Variants in UMODL1 observed in about 807,000 individuals in gnomAD.
The protein encoded by UMODL1 is uromodulin-like 1.
UMODL1 carries 128 observed loss-of-function variants against 136.3 expected under a neutral mutation model. The ratio of observed to expected loss-of-function variants is 0.94; its 90% confidence interval spans 0.81 to 1.09. UMODL1 has a LOEUF of 1.09. Ranked by LOEUF, UMODL1 falls within the 50% of genes least tolerant of loss-of-function variation. UMODL1 has a pLI of 0.00. For synonymous variants in UMODL1, 721 were observed against 720.0 expected (o/e 1.00, Z -0.02); for missense variants, 1,766 against 1,725.6 (o/e 1.02, Z -0.41).
At chr21:42,082,539 C>T (rs1048730476) in intron 2 of UMODL1, among the ~76,000 whole-genome samples, 5 of 152,202 alleles carry the variant, frequency 3.3e-5, no homozygotes, top group Non-Finnish European at 5.9e-5. Context: ...TGGCACCCAC[C>T]GTCAGGGTGG....
intron 2 of UMODL1, 94 bp downstream of exon 2, chr21:42,076,341 T>G (rs901298791): frequency 2.3e-5 from 36 of 1,560,852 alleles, no homozygotes; most frequent in Admixed American, 1.4e-4. Flanking sequence ...GCCCCGAACT[T>G]GCTAGATCTT....
Position 42,122,680 on chromosome 21 carries a change from T to TGC in UMODL1, c.2828-150_2828-149dup, listed in dbSNP as rs2066991670. 8 of 660,154 alleles carry TGC rather than the reference T, an allele frequency of 1.2e-5. No homozygotes were observed. Among genetic ancestry groups the TGC allele is most frequent in the Non-Finnish European group, 1.8e-5 (7 of 393,254 alleles). 40.9% of individuals were successfully genotyped at this position (660,154 alleles called of 1,614,324 possible). ...ATGTGTGCGTGTGTGTGTGTGTGTG[T>TGC]GCACGTGTGTAGTTGTGGCTGGAAC... is the stretch of plus-strand genomic sequence containing the variant. On this transcript the variant is annotated intron_variant, in intron 16 of 22. Transcript: ENST00000408910. This position sits in a 1 kb window ranked among gnomAD's most constrained non-coding sequence, Gnocchi z 4.3.
chr21:42,105,031 C>T (rs538499881), intron 9 of UMODL1, among the ~76,000 whole-genome samples: 71 of 152,216 alleles, frequency 4.7e-4, no homozygotes, highest in Non-Finnish European at 6.8e-4. Flanking sequence ...TCTTGGAGCT[C>T]AGCCACGTGC....
At chr21:42,101,450 C>T (rs2066631202) in intron 7 of UMODL1, among the ~76,000 whole-genome samples, 2 of 152,146 alleles carry the variant, frequency 1.3e-5, no homozygotes, top group African/African-American at 2.4e-5. Flanking sequence ...TCTGATGGCC[C>T]GTAGCTTGCC....
chr21:42,100,441 C>T (rs1158430875), intron 7 of UMODL1, among the ~76,000 whole-genome samples: 1 of 152,010 alleles, frequency 6.6e-6, no homozygotes, highest in Non-Finnish European at 1.5e-5. Context: ...GCTAAGTCCT[C>T]ATAGCAGCCA....
chr21:42,072,593 C>T (rs1045791816), intron 1 of UMODL1, among the ~76,000 whole-genome samples: 5 of 152,184 alleles, frequency 3.3e-5, no homozygotes, highest in South Asian at 2.1e-4. Context: ...GTGGTCGCCC[C>T]GAATTTTCCC....
chr21:42,101,815 C>T (rs1049211043), intron 7 of UMODL1: 7 of 448,506 alleles, frequency 1.6e-5, no homozygotes, highest in Non-Finnish European at 2.2e-5. Flanking sequence ...AGGGCCTCGT[C>T]GTGTGAGTAC....
chr21:42,081,630 AG>A (rs1352974263), intron 2 of UMODL1, among the ~76,000 whole-genome samples: 2 of 152,184 alleles, frequency 1.3e-5, no homozygotes, highest in African/African-American at 4.8e-5. Flanking sequence ...CTATTTAAAT[AG>A]GCTTTTAGTT....
chr21:42,124,173 C>T (rs1306030736), intron 17 of UMODL1, among the ~76,000 whole-genome samples: 2 of 152,202 alleles, frequency 1.3e-5, no homozygotes, highest in African/African-American at 4.8e-5. Flanking sequence ...CCCACTTGGC[C>T]ACATGGAGCA....
At chr21:42,091,550 G>A (rs1369687149) in intron 6 of UMODL1, among the ~76,000 whole-genome samples, 2 of 152,194 alleles carry the variant, frequency 1.3e-5, no homozygotes, top group African/African-American at 4.8e-5. Flanking sequence ...GGGTGTGGAA[G>A]GTGGTGGAGA....
In UMODL1 at chr21:42,122,932, C is replaced by T. The variant is rs1038842358; in HGVS notation, c.2929C>T (p.Gln977Ter). The change falls in exon 17 of 23, where the codon CAA becomes TAA. Residue 977 changes from glutamine to a stop codon, truncating the protein, a stop_gained. Transcript: ENST00000408910. LOFTEE classifies it high-confidence loss of function. The surrounding 1 kb of genome is among the most constrained non-coding windows in gnomAD (Gnocchi z 4.3). ...AFVQGTSPTPQGLPQRLNLTG... is the reference protein window; with the variant it reads ...AFVQGTSPTP ...TGTGCAAGGCACCAGCCCCACCCCC[C>T]AAGGCCTGCCCCAGCGGCTGAACCT... 2 of 1,613,974 alleles carry T rather than the reference C, an allele frequency of 1.2e-6. No homozygotes were observed. The highest frequency in any genetic ancestry group is 2.2e-5 in the East Asian group (1 of 44,882).
chr21:42,088,257 C>T (rs562619244), intron 4 of UMODL1, 37 bp from the exon 5 acceptor site: 12 of 1,594,670 alleles, frequency 7.5e-6, no homozygotes, highest in Middle Eastern at 1.9e-4. Context: ...GACGGGGTGT[C>T]CTTCTGCTGT....
At chr21:42,090,694 A>T (rs2066481677) in intron 6 of UMODL1, among the ~76,000 whole-genome samples, 2 of 152,210 alleles carry the variant, frequency 1.3e-5, no homozygotes, top group Admixed American at 6.5e-5. Flanking sequence ...AATCACTGAA[A>T]ATGTCAAATC....
intron 8 of UMODL1, 151 bp from the exon 9 acceptor site, chr21:42,103,717 T>C (rs1388654756): frequency 3.3e-6 from 3 of 901,070 alleles, no homozygotes; most frequent in Admixed American, 4.0e-5. Flanking sequence ...CGGACTTCTC[T>C]GCGTGCTCTG....
At chr21:42,068,377 A>G (rs867468401), upstream of UMODL1, among the ~76,000 whole-genome samples, 3 of 152,126 alleles carry the variant, frequency 2.0e-5, no homozygotes, top group South Asian at 4.1e-4. This position sits in a 1 kb window ranked among gnomAD's most constrained non-coding sequence, Gnocchi z 5.5. Context: ...TGGTCCCCAC[A>G]CACACCCCGA....
intron 9 of UMODL1, among the ~76,000 whole-genome samples, chr21:42,105,568 T>G (rs1012580938): frequency 6.6e-6 from 1 of 152,232 alleles, no homozygotes; most frequent in African/African-American, 2.4e-5. Flanking sequence ...GATGAGGTCC[T>G]CCTGCCGTTG....
At chr21:42,097,835 C>G (rs936819336) in intron 6 of UMODL1, among the ~76,000 whole-genome samples, 1 of 152,138 alleles carries the variant, frequency 6.6e-6, no homozygotes, top group Non-Finnish European at 1.5e-5. Context: ...CAAAAAAGAG[C>G]TTCGATGCTA....
intron 9 of UMODL1, among the ~76,000 whole-genome samples, chr21:42,104,910 G>A (rs1158093982): frequency 1.3e-5 from 2 of 152,198 alleles, no homozygotes; most frequent in African/African-American, 4.8e-5. Context: ...CAGCAGGCAC[G>A]GAGTTCTCTC....
At chr21:42,066,739 G>A (rs2066185969), upstream of UMODL1, among the ~76,000 whole-genome samples, 1 of 152,212 alleles carries the variant, frequency 6.6e-6, no homozygotes, top group Non-Finnish European at 1.5e-5. Flanking sequence ...GTGACAAATG[G>A]CACTGTCAGG....
Sources: allele counts gnomAD v4.1 joint callset (sites outside exome capture counted in the v4.1 genomes callset), GRCh38; gene constraint gnomAD v4.1.1; non-coding constraint Gnocchi (gnomAD v3.1); transcripts MANE v1.5; gene names NCBI Gene and HGNC (gene_info 2026-07-23, HGNC 2026-07-21).